The following STK32C variants were observed in gnomAD, a reference collection of about 807,000 sequenced individuals.
STK32C encodes serine/threonine kinase 32C.
In STK32C, 31 loss-of-function variants were observed where a neutral mutation model predicts 56.5. The observed-to-expected ratio is 0.55, with a 90% confidence interval of 0.41 to 0.74. STK32C has a LOEUF of 0.74. STK32C is among the 30% of genes least tolerant of loss of function. The pLI is 0.00. For missense variants in STK32C, 544 were observed against 676.9 expected, an observed-to-expected ratio of 0.80 and a Z score of 2.18; for synonymous variants, 309 against 289.4, an observed-to-expected ratio of 1.07 and a Z score of -0.69.
intron 1 of STK32C, among the ~76,000 whole-genome samples, chr10:132,266,590 C>T (rs2064538172): frequency 6.6e-6 from 1 of 152,132 alleles, no homozygotes; most frequent in African/African-American, 2.4e-5. Context: ...AACTGAGGCT[C>T]ACTGAGGTTA....
intron 1 of STK32C, among the ~76,000 whole-genome samples, chr10:132,285,553 AC>A (rs752873572): frequency 3.2e-4 from 48 of 152,268 alleles, no homozygotes; most frequent in Non-Finnish European, 8.8e-5. Flanking sequence ...TTAGGTGACT[AC>A]ATCAAAGCAC....
intron 1 of STK32C, among the ~76,000 whole-genome samples, chr10:132,267,146 G>T (rs1047954778): frequency 6.6e-6 from 1 of 151,964 alleles, no homozygotes; most frequent in African/African-American, 2.4e-5. Flanking sequence ...CCTGTGACAC[G>T]TGGGCCCTGG....
At chr10:132,328,006 G>A (rs1022178337) in intron 1 of STK32C, among the ~76,000 whole-genome samples, 2 of 152,096 alleles carry the variant, frequency 1.3e-5, no homozygotes, top group South Asian at 2.1e-4. Context: ...AACCAGGGCT[G>A]GAATAAGTCT....
At chr10:132,225,661 G>A in intron 5 of STK32C, 45 bp from the exon 6 acceptor site, 5 of 1,608,308 alleles carry the variant, frequency 3.1e-6, no homozygotes, top group Non-Finnish European at 3.4e-6. Flanking sequence ...GACCAGAGAT[G>A]CATCCTTGCG....
At chr10:132,311,013 G>T (rs1275070626), upstream of STK32C, among the ~76,000 whole-genome samples, 1 of 152,156 alleles carries the variant, frequency 6.6e-6, no homozygotes, top group Non-Finnish European at 1.5e-5. The surrounding 1 kb of genome is among the most constrained non-coding windows in gnomAD (Gnocchi z 4.4). Context: ...GTGCTGAAGG[G>T]CTGGGGGTGG....
intron 1 of STK32C, among the ~76,000 whole-genome samples, chr10:132,265,910 C>T (rs2064506284): frequency 6.6e-6 from 1 of 152,156 alleles, no homozygotes; most frequent in South Asian, 2.1e-4. Context: ...TTAGGGGGTG[C>T]CGTGCACGGC....
chr10:132,221,714 T>C (rs57783664), intron 10 of STK32C, among the ~76,000 whole-genome samples: 4,879 of 141,298 alleles, frequency 0.035, 127 homozygotes, highest in East Asian at 0.1. Flanking sequence ...CTGACGCACC[T>C]GGGCGAGTGT....
At chr10:132,246,770 C>T (rs56072405) in intron 1 of STK32C, among the ~76,000 whole-genome samples, 6 of 152,260 alleles carry the variant, frequency 3.9e-5, no homozygotes, top group African/African-American at 7.2e-5. Context: ...ACACATAAGA[C>T]GGGGGTCCCA....
At chr10:132,230,889 G>C (rs865878900) in intron 2 of STK32C, among the ~76,000 whole-genome samples, 1 of 152,170 alleles carries the variant, frequency 6.6e-6, no homozygotes, top group Non-Finnish European at 1.5e-5. Context: ...GGAATCTCTG[G>C]AAGAACACGC....
upstream of STK32C, among the ~76,000 whole-genome samples, chr10:132,310,462 A>G (rs1182709924): frequency 2.6e-5 from 4 of 152,212 alleles, no homozygotes; most frequent in African/African-American, 9.6e-5. This position sits in a 1 kb window ranked among gnomAD's most constrained non-coding sequence, Gnocchi z 4.6. Context: ...GGCATGAGAC[A>G]GGAGGGGTCA....
rs541811145 is a variant in STK32C, at chr10:132,326,010, C to A, written c.302-1637G>T. 2.0e-5 allele frequency among the ~76,000 whole-genome samples: 3 copies of A among 152,244 alleles called. No individual in the cohort carries two copies. The East Asian group carries it at 5.8e-4, about 29-fold the overall frequency. On this transcript the variant is annotated intron_variant, in intron 1 of 1. Coordinates refer to the STK32C transcript ENST00000368619. ...TGCTGGGATTACAGGCATGAGCCAC[C>A]ACGCTGGCCGGTATGTCTTTATCAG...
At chr10:132,261,871 A>G (rs1420206416) in intron 1 of STK32C, among the ~76,000 whole-genome samples, 1 of 152,252 alleles carries the variant, frequency 6.6e-6, no homozygotes, top group Non-Finnish European at 1.5e-5. Flanking sequence ...CATACTGCCC[A>G]AAGTAATCTA....
At position 132,318,737 on chromosome 10, in the gene STK32C, A is replaced by G. The variant is rs990309097; in HGVS notation, c.301+12699T>C. Among the ~76,000 whole-genome samples, 12 of 152,248 alleles carry G rather than the reference A, an allele frequency of 7.9e-5. 1 individual carries two copies. In the East Asian group the frequency reaches 2.3e-3, roughly 29 times the overall value. On this transcript the variant is annotated intron_variant, in intron 1 of 3. Coordinates refer to the STK32C transcript ENST00000368620. ...GATAAACATTATGAGTCACTGGGCA[A>G]ATAAAATTTTTAAAATTGCTTTTAG... is the stretch of plus-strand genomic sequence containing the variant.
chr10:132,245,120 G>A (rs899701736), intron 2 of STK32C, among the ~76,000 whole-genome samples: 1 of 152,214 alleles, frequency 6.6e-6, no homozygotes, highest in Non-Finnish European at 1.5e-5. Context: ...TACGTATTAT[G>A]CTCCGGTAGC....
At chr10:132,276,590 T>A (rs553572941) in intron 1 of STK32C, among the ~76,000 whole-genome samples, 4 of 151,394 alleles carry the variant, frequency 2.6e-5, no homozygotes, top group Admixed American at 6.6e-5. Context: ...GAGACCAGCC[T>A]GGATAACACA....
chr10:132,209,202 G>T, intron 10 of STK32C, 101 bp from the exon 11 acceptor site: 1 of 1,136,762 alleles, frequency 8.8e-7, no homozygotes. Flanking sequence ...GCCTCCACCT[G>T]TGGCTTTGGA....
intron 1 of STK32C, among the ~76,000 whole-genome samples, chr10:132,259,496 G>T (rs2064235263): frequency 6.6e-6 from 1 of 152,094 alleles, no homozygotes; most frequent in South Asian, 2.1e-4. Context: ...CTGGATCATG[G>T]GGTGGAGTTC....
At chr10:132,317,298 CAG>C (rs2066326814) in intron 1 of STK32C, among the ~76,000 whole-genome samples, 1 of 152,158 alleles carries the variant, frequency 6.6e-6, no homozygotes, top group African/African-American at 2.4e-5. Context: ...GAAGAAAACA[CAG>C]GGGAAAATCT....
Position 132,225,220 on chromosome 10 carries a change from AG to A in STK32C, c.876+12del. 2 of 1,588,364 alleles carry A rather than the reference AG, an allele frequency of 1.3e-6. No homozygotes were observed. The highest frequency in any genetic ancestry group is 1.7e-6 in the Non-Finnish European group (2 of 1,165,092). On this transcript the variant is annotated intron_variant, in intron 7 of 11. Transcript: ENST00000298630. ...CCTGGCAGCCAAGCCCAGGGGCTGC[AG>A]GGGGTCCATACCCATCCTCGCAGCA...
Sources: allele counts gnomAD v4.1 joint callset (sites outside exome capture counted in the v4.1 genomes callset), GRCh38; gene constraint gnomAD v4.1.1; non-coding constraint Gnocchi (gnomAD v3.1); transcripts MANE v1.5; gene names NCBI Gene and HGNC (gene_info 2026-07-23, HGNC 2026-07-21).